The following TNRC6B variants were observed in gnomAD, a reference collection of about 807,000 sequenced individuals.
TNRC6B encodes trinucleotide repeat containing adaptor 6B.
A neutral mutation model predicts 203.6 loss-of-function variants in TNRC6B; 52 were observed. That is an observed-to-expected ratio of 0.26 (90% CI 0.20 to 0.32). The LOEUF is 0.32. Among genes scored for constraint, TNRC6B ranks in the 10% least tolerant of loss-of-function variants. The probability of loss-of-function intolerance (pLI) is 1.00; values close to 1 mark genes in which losing one functional copy is unlikely to be tolerated. For synonymous variants in TNRC6B, 838 were observed against 845.7 expected, an observed-to-expected ratio of 0.99 and a Z score of 0.16; for missense variants, 1,923 against 2,286.2, an observed-to-expected ratio of 0.84 and a Z score of 3.24.
Position 40,329,433 on chromosome 22 carries a change from T to A in TNRC6B, c.*6192T>A, listed in dbSNP as rs965831633. The A allele has an allele frequency of 2.1e-5, 3 of 145,746 alleles. No individual in the cohort carries two copies. Among genetic ancestry groups the A allele is most frequent in the Non-Finnish European group, 4.5e-5 (3 of 66,930 alleles). 9.0% of individuals were successfully genotyped at this position (145,746 alleles called of 1,614,324 possible). ...TGGTCCCTATTTGTCAGTGATAGTG[T>A]TTTTTTTTTCTTAAGTTTGACAAAG... On this transcript the variant is annotated 3_prime_UTR_variant, in exon 23 of 23. Coordinates refer to ENST00000454349, the MANE Select transcript of TNRC6B (RefSeq NM_001162501.2).
chr22:40,156,755 GTTT>G (rs542249864), intron 4 of TNRC6B, among the ~76,000 whole-genome samples: 27,024 of 134,928 alleles, frequency 0.2, 2,803 homozygotes, highest in Admixed American at 0.32. Context: ...TTTGTTGTTG[GTTT>G]TTTTTTTTTT....
chr22:40,153,979 A>G (rs913667572), intron 3 of TNRC6B, among the ~76,000 whole-genome samples: 3 of 150,312 alleles, frequency 2.0e-5, no homozygotes, highest in African/African-American at 7.3e-5. Context: ...GGCTTTCTTT[A>G]TTTTTTTTTA....
chr22:40,292,656 G>C (rs948315740), intron 12 of TNRC6B, among the ~76,000 whole-genome samples: 1 of 152,232 alleles, frequency 6.6e-6, no homozygotes, highest in South Asian at 2.1e-4. Context: ...CTGCACCACC[G>C]TGATTCCTCT....
chr22:40,144,487 AAC>A (rs2146341090), intron 3 of TNRC6B, among the ~76,000 whole-genome samples: 1 of 151,792 alleles, frequency 6.6e-6, no homozygotes, highest in East Asian at 2.0e-4. Context: ...CATCCTGGCT[AAC>A]ATGGTGAAAC....
chr22:40,262,215 G>C, intron 4 of TNRC6B, 42 bp downstream of exon 4: 3 of 1,336,932 alleles, frequency 2.2e-6, no homozygotes, highest in Non-Finnish European at 2.9e-6. Flanking sequence ...GCTTGACAGA[G>C]AGAGAGCACT....
intron 5 of TNRC6B, among the ~76,000 whole-genome samples, chr22:40,269,066 A>C (rs866139984): frequency 4.8e-5 from 7 of 147,116 alleles, no homozygotes; most frequent in Middle Eastern, 3.3e-3. Flanking sequence ...TTCTCATTAT[A>C]CTTATAGCTT....
chr22:40,189,731 C>T (rs1365883050), intron 1 of TNRC6B, among the ~76,000 whole-genome samples: 1 of 152,122 alleles, frequency 6.6e-6, no homozygotes, highest in African/African-American at 2.4e-5. Flanking sequence ...CTTAAGCAAA[C>T]TGGAATTGAG....
chr22:40,335,550 G>T lies in TNRC6B; in HGVS notation c.*12309G>T, dbSNP rs2044023831. Reference sequence around the variant, plus strand: ...GTTTTATTGGATTGTGACAGGTTGAGTAATAAGGAATTAAGTCGTCGTCAT... The same window carrying T: ...GTTTTATTGGATTGTGACAGGTTGATTAATAAGGAATTAAGTCGTCGTCAT... On this transcript the variant is annotated 3_prime_UTR_variant, in exon 23 of 23. Coordinates refer to ENST00000454349, the MANE Select transcript of TNRC6B (RefSeq NM_001162501.2). The T allele has an allele frequency of 6.6e-6, 1 of 151,106 alleles. No individual in the cohort carries two copies. Among genetic ancestry groups the T allele is most frequent in the African/African-American group, 2.4e-5 (1 of 41,166 alleles). 9.4% of individuals were successfully genotyped at this position (151,106 alleles called of 1,614,324 possible). A position where few individuals can be genotyped will look rare whatever the true frequency, so the allele number is the denominator to read the frequency against.
At chr22:40,067,831 C>A (rs1439945714) in intron 1 of TNRC6B, among the ~76,000 whole-genome samples, 2 of 152,174 alleles carry the variant, frequency 1.3e-5, no homozygotes, top group Non-Finnish European at 2.9e-5. Context: ...CCCCGACTTA[C>A]CTGTCAGTCT....
At chr22:40,279,787 A>T (rs2070699603) in intron 9 of TNRC6B, among the ~76,000 whole-genome samples, 2 of 152,202 alleles carry the variant, frequency 1.3e-5, no homozygotes, top group African/African-American at 4.8e-5. Flanking sequence ...TTTAAAATAA[A>T]TAAATAAATA....
intron 1 of TNRC6B, among the ~76,000 whole-genome samples, chr22:40,049,729 A>G (rs7290555): frequency 0.26 from 40,227 of 151,926 alleles, 6,171 homozygotes; most frequent in African/African-American, 0.41. Context: ...TTAGCCTCCC[A>G]AGTAGCTGGG....
intron 3 of TNRC6B, among the ~76,000 whole-genome samples, chr22:40,133,743 C>A (rs535186438): frequency 1.3e-5 from 2 of 151,752 alleles, no homozygotes; most frequent in Non-Finnish European, 2.9e-5. Context: ...CCGAGGCGAG[C>A]GGATCACCTG....
chr22:40,278,067 G>C, intron 9 of TNRC6B, 23 bp downstream of exon 9: 6 of 1,548,744 alleles, frequency 3.9e-6, no homozygotes, highest in Non-Finnish European at 5.3e-6. Flanking sequence ...CCGCTGAAAA[G>C]AATGGAGTAT....
chr22:40,235,958 GCT>G (rs1285067506), intron 1 of TNRC6B, among the ~76,000 whole-genome samples: 4 of 152,150 alleles, frequency 2.6e-5, no homozygotes, highest in African/African-American at 9.7e-5. Flanking sequence ...AATGTTTGAA[GCT>G]CTCTTTTTTT....
intron 1 of TNRC6B, among the ~76,000 whole-genome samples, chr22:40,225,634 G>A (rs1569028344): frequency 6.6e-6 from 1 of 151,578 alleles, no homozygotes; most frequent in East Asian, 2.0e-4. Flanking sequence ...CCCCAGCTAC[G>A]CGGGAGGCTG....
intron 15 of TNRC6B, among the ~76,000 whole-genome samples, chr22:40,303,278 G>C (rs576676799): frequency 2.9e-3 from 440 of 151,944 alleles, no homozygotes; most frequent in African/African-American, 0.01. Flanking sequence ...TGCCCACCGT[G>C]GCCTCCCAAA....
intron 1 of TNRC6B, among the ~76,000 whole-genome samples, chr22:40,056,811 A>AG (rs921505235): frequency 4.0e-5 from 6 of 148,414 alleles, no homozygotes; most frequent in African/African-American, 1.3e-4. Context: ...AAAAAAAAAA[A>AG]AAAGAAAGAA....
chr22:40,193,114 C>T lies in TNRC6B; in HGVS notation c.5+14974C>T, dbSNP rs542026260. On this transcript the variant is annotated intron_variant, in intron 1 of 22. Coordinates refer to ENST00000454349, the MANE Select transcript of TNRC6B (RefSeq NM_001162501.2). Reference sequence around the variant, plus strand: ...CAGTTAGATTTGGCCTTGAGGAGCACTGGCATCCATCAGGCTGCAGTGAGT... The same window carrying T: ...CAGTTAGATTTGGCCTTGAGGAGCATTGGCATCCATCAGGCTGCAGTGAGT... Among the ~76,000 whole-genome samples the T allele has an allele frequency of 1.2e-4, 19 of 152,278 alleles. No homozygotes were observed. In the South Asian group the frequency reaches 3.7e-3, roughly 30 times the overall value.
chr22:40,152,765 C>T (rs955132086), intron 3 of TNRC6B, among the ~76,000 whole-genome samples: 1 of 151,978 alleles, frequency 6.6e-6, no homozygotes, highest in Non-Finnish European at 1.5e-5. Context: ...GCCACCGTGC[C>T]TGGCTTTAAC....
Sources: allele counts gnomAD v4.1 joint callset (sites outside exome capture counted in the v4.1 genomes callset), GRCh38; gene constraint gnomAD v4.1.1; transcripts MANE v1.5; gene names NCBI Gene and HGNC (gene_info 2026-07-23, HGNC 2026-07-21).